VPS41: variants seen among roughly 807,000 people sequenced by gnomAD.
VPS41 encodes vacuolar protein sorting-associated protein 41 homolog.
Under a neutral mutation model 130.9 loss-of-function variants are expected in VPS41, and 85 were observed. The observed-to-expected ratio is 0.65, with a 90% CI of 0.55 to 0.78. The LOEUF (loss-of-function observed/expected upper bound fraction) is 0.78, where lower values mean the gene tolerates loss of function less well. Among genes scored for constraint, VPS41 ranks in the 30% least tolerant of loss-of-function variants. The pLI is 0.00. For synonymous variants in VPS41, 335 were observed against 332.9 expected, an observed-to-expected ratio of 1.01 and a Z score of -0.07; for missense variants, 874 against 1,018.7, an observed-to-expected ratio of 0.86 and a Z score of 1.93.
At chr7:38,908,001 G>C (rs1787305699) in intron 1 of VPS41, among the ~76,000 whole-genome samples, 1 of 152,112 alleles carries the variant, frequency 6.6e-6, no homozygotes, top group African/African-American at 2.4e-5. Flanking sequence ...TTATCACAAG[G>C]ACCAGCCAAA....
intron 2 of VPS41, among the ~76,000 whole-genome samples, chr7:38,882,151 C>T (rs896233288): frequency 2.0e-5 from 3 of 152,152 alleles, no homozygotes; most frequent in Non-Finnish European, 4.4e-5. Context: ...CAAGTCACCA[C>T]AAGTGCTCTT....
intron 2 of VPS41, among the ~76,000 whole-genome samples, chr7:38,895,764 A>G (rs970985940): frequency 6.6e-6 from 1 of 152,160 alleles, no homozygotes; most frequent in African/African-American, 2.4e-5. Flanking sequence ...TGCCAAAAGC[A>G]GCACCATCCA....
chr7:38,890,625 C>A (rs549668128), intron 2 of VPS41, among the ~76,000 whole-genome samples: 1 of 151,876 alleles, frequency 6.6e-6, no homozygotes, highest in Non-Finnish European at 1.5e-5. Flanking sequence ...ACTAGAGTTA[C>A]GTAAGATGTT....
chr7:38,854,788 T>C (rs948215694), intron 4 of VPS41, among the ~76,000 whole-genome samples: 15 of 150,992 alleles, frequency 9.9e-5, no homozygotes, highest in Non-Finnish European at 1.8e-4. Flanking sequence ...ATTAGCATTC[T>C]ATGTGGAAAA....
intron 23 of VPS41, 149 bp downstream of exon 23, chr7:38,745,410 G>A (rs572128736): frequency 4.5e-6 from 3 of 660,438 alleles, no homozygotes; most frequent in South Asian, 3.5e-5. Context: ...GTGCTGTGAA[G>A]TCTGTTTCAT....
At position 38,742,167 on chromosome 7, in the gene VPS41, A is replaced by G. The variant is rs746859116; in HGVS notation, c.2123-46T>C. The G allele has an allele frequency of 3.3e-6, 5 of 1,521,886 alleles. No individual in the cohort carries two copies. The South Asian group carries it at 5.0e-5, about 15-fold the overall frequency. 94.3% of individuals were successfully genotyped at this position (1,521,886 alleles called of 1,614,324 possible). On this transcript the variant is annotated intron_variant, in intron 24 of 28. Coordinates refer to ENST00000310301, the MANE Select transcript of VPS41 (RefSeq NM_014396.4). ...CAATGAACATATAAGCAACATTATA[A>G]TGCAATTTTATTTGCACATAATTTG...
chr7:38,761,423 A>G (rs1397517211), intron 17 of VPS41, among the ~76,000 whole-genome samples: 1 of 149,610 alleles, frequency 6.7e-6, no homozygotes, highest in Non-Finnish European at 1.5e-5. Flanking sequence ...CTACAGGTGC[A>G]TGCCACCATG....
intron 25 of VPS41, among the ~76,000 whole-genome samples, chr7:38,730,997 T>A (rs4723780): frequency 0.89 from 136,078 of 152,264 alleles, 60,902 homozygotes; most frequent in East Asian, 0.99. Context: ...CGCCTGCAGA[T>A]AGCATTTTCT....
At chr7:38,756,520 T>G (rs1783797162) in intron 19 of VPS41, among the ~76,000 whole-genome samples, 1 of 152,174 alleles carries the variant, frequency 6.6e-6, no homozygotes, top group African/African-American at 2.4e-5. Flanking sequence ...TGAGTCAAAG[T>G]ATATACGTGG....
At chr7:38,733,415 C>T (rs1795706206) in intron 25 of VPS41, among the ~76,000 whole-genome samples, 1 of 152,108 alleles carries the variant, frequency 6.6e-6, no homozygotes, top group South Asian at 2.1e-4. Flanking sequence ...TTTCCCCGTG[C>T]CTTTTTCTTA....
intron 1 of VPS41, 46 bp downstream of exon 1, chr7:38,909,108 T>C: frequency 6.5e-7 from 1 of 1,532,328 alleles, no homozygotes; most frequent in Non-Finnish European, 8.9e-7. Context: ...CAGCCCACCC[T>C]AGTCTCTATA....
intron 2 of VPS41, among the ~76,000 whole-genome samples, chr7:38,890,420 G>A (rs907255512): frequency 2.0e-5 from 3 of 152,162 alleles, no homozygotes; most frequent in Non-Finnish European, 4.4e-5. Flanking sequence ...GATAGCACAG[G>A]GAACCTTGTG....
chr7:38,878,194 A>G (rs1308158639), intron 2 of VPS41, among the ~76,000 whole-genome samples: 2 of 152,242 alleles, frequency 1.3e-5, no homozygotes, highest in Admixed American at 6.5e-5. Context: ...AAGTAAAGCT[A>G]AAATGAATTA....
intron 4 of VPS41, among the ~76,000 whole-genome samples, chr7:38,838,331 T>A (rs1158903170): frequency 6.6e-6 from 1 of 152,112 alleles, no homozygotes; most frequent in Non-Finnish European, 1.5e-5. Flanking sequence ...CTAAAATGAC[T>A]GATTTTCCTA....
chr7:38,776,121 T>C (rs979806071), intron 11 of VPS41, among the ~76,000 whole-genome samples: 3 of 152,112 alleles, frequency 2.0e-5, no homozygotes, highest in Admixed American at 6.6e-5. Context: ...CACAACAAAA[T>C]TTAGATCATC....
chr7:38,770,077 C>T (rs899360932), intron 14 of VPS41, among the ~76,000 whole-genome samples: 35 of 152,132 alleles, frequency 2.3e-4, no homozygotes, highest in African/African-American at 8.4e-4. Context: ...CAAGACCAGC[C>T]TGACCAACAT....
chr7:38,907,699 AT>A (rs1787298245), intron 1 of VPS41, among the ~76,000 whole-genome samples: 1 of 152,208 alleles, frequency 6.6e-6, no homozygotes, highest in Non-Finnish European at 1.5e-5. Flanking sequence ...TAAATATTTC[AT>A]AGGTTTTTTT....
intron 4 of VPS41, among the ~76,000 whole-genome samples, chr7:38,848,780 C>G (rs1208097384): frequency 1.3e-5 from 2 of 152,116 alleles, no homozygotes; most frequent in Non-Finnish European, 2.9e-5. Flanking sequence ...CTCCAGAACC[C>G]GTCAACCATC....
chr7:38,796,278 CTT>C (rs1784617342), intron 8 of VPS41: 1 of 328,630 alleles, frequency 3.0e-6, no homozygotes, highest in Admixed American at 4.4e-5. Flanking sequence ...AGCAAGTAAA[CTT>C]TAAGTTAAAA....
Sources: gnomAD v4.1 joint callset for allele counts (sites outside exome capture counted in the v4.1 genomes callset) on GRCh38, gnomAD v4.1.1 for gene constraint, MANE v1.5 for transcripts, NCBI Gene and HGNC (gene_info 2026-07-23, HGNC 2026-07-21) for gene names.